CSF2RB: variants seen among roughly 807,000 people sequenced by gnomAD.
CSF2RB encodes the protein cytokine receptor common subunit beta.
In CSF2RB, 22 loss-of-function variants were observed where a neutral mutation model predicts 67.2. The observed-to-expected ratio is 0.33, with a 90% CI of 0.23 to 0.47. The LOEUF (loss-of-function observed/expected upper bound fraction) is 0.47, where lower values mean the gene tolerates loss of function less well. Among genes scored for constraint, CSF2RB ranks in the 20% least tolerant of loss-of-function variants. CSF2RB has a pLI of 1.00. For synonymous variants in CSF2RB, 507 were observed against 482.9 expected (o/e 1.05, Z -0.65); for missense variants, 1,113 against 1,174.5 (o/e 0.95, Z 0.76).
chr22:36,937,715 A>G lies in CSF2RB; in HGVS notation c.1907A>G (p.Gln636Arg). Residue 636 changes from glutamine (Q) to arginine (R), a missense_variant, in exon 14 of 14, where the codon CAG (glutamine) becomes CGG (arginine). Physicochemically the swap from Gln to Arg is conservative, Grantham distance 43 (BLOSUM62 1). This residue lies in a region of CSF2RB where 554 missense variants were observed against 517.9 expected (regional missense o/e 1.07). Coordinates refer to ENST00000403662, the MANE Select transcript of CSF2RB (RefSeq NM_000395.3). The surrounding 1 kb of genome is among the most constrained non-coding windows in gnomAD (Gnocchi z 4.6). Reference protein sequence around the residue: ...LEYLCLPAGGQVQLVPLAQAM... With the variant: ...LEYLCLPAGGRVQLVPLAQAM... ...TACCTGTGTCTGCCTGCTGGGGGGCAGGTGCAACTGGTCCCTCTGGCCCAG... is the reference window on the plus strand; with the variant it reads ...TACCTGTGTCTGCCTGCTGGGGGGCGGGTGCAACTGGTCCCTCTGGCCCAG... 6.4e-7 allele frequency: 1 copy of G among 1,556,728 alleles called. No individual in the cohort carries two copies. The highest frequency in any genetic ancestry group is 8.7e-7 in the Non-Finnish European group (1 of 1,149,976).
intron 1 of CSF2RB, among the ~76,000 whole-genome samples, chr22:36,921,661 G>A (rs1461175798): frequency 6.6e-6 from 1 of 152,180 alleles, no homozygotes; most frequent in Non-Finnish European, 1.5e-5. Context: ...GGTAAAAGGA[G>A]CAGGGGTGGG....
In CSF2RB at chr22:36,938,066, C is replaced by T. The variant is rs1569140636; in HGVS notation, c.2258C>T (p.Pro753Leu). Residue 753 changes from proline (P) to leucine (L), a missense_variant, in exon 14 of 14, where the codon CCT becomes CTT. Pro to Leu is a moderately conservative substitution (Grantham distance 98). Transcript: ENST00000403662. Reference sequence around the variant, plus strand: ...TGTCCTGGGCTGGCCAGTGGACCCCCTGGAGCCCCAGGCCCTGTGAAGTCA... The same window carrying T: ...TGTCCTGGGCTGGCCAGTGGACCCCTTGGAGCCCCAGGCCCTGTGAAGTCA... The part of the protein sequence containing the change: ...SLCPGLASGP[P>L]GAPGPVKSGF... 1.2e-6 allele frequency: 2 copies of T among 1,614,034 alleles called. No individual in the cohort carries two copies. Among genetic ancestry groups the T allele is most frequent in the Admixed American group, 1.7e-5 (1 of 60,014 alleles).
intron 2 of CSF2RB, chr22:36,922,806 A>G: frequency 3.4e-6 from 1 of 294,176 alleles, no homozygotes; most frequent in South Asian, 3.5e-5. Context: ...CCCTTAACAA[A>G]TACCAGGCTC....
intron 8 of CSF2RB, 61 bp from the exon 9 acceptor site, chr22:36,932,704 C>G: frequency 6.3e-7 from 1 of 1,583,600 alleles, no homozygotes; most frequent in Non-Finnish European, 8.6e-7. Flanking sequence ...GCATGAGACA[C>G]GGGGAATGTT....
chr22:36,915,422 TTATATA>T (rs35022648), intron 1 of CSF2RB, among the ~76,000 whole-genome samples: 1 of 146,368 alleles, frequency 6.8e-6, no homozygotes, highest in African/African-American at 2.5e-5. Flanking sequence ...ATTATTTTAT[TTATATA>T]TATATATATA....
chr22:36,940,347 A>G lies in CSF2RB; in HGVS notation c.*1845A>G, dbSNP rs547600147. On this transcript the variant is annotated 3_prime_UTR_variant, in exon 14 of 14. Coordinates refer to ENST00000403662, the MANE Select transcript of CSF2RB (RefSeq NM_000395.3). The stretch of plus-strand genomic sequence containing the variant: ...TGTTCATAATGAACAAGATGAACCA[A>G]TGTGGATTAGAAAGAAGTCCGAGAT... 3 of 152,228 alleles carry G rather than the reference A, an allele frequency of 2.0e-5. No individual in the cohort carries two copies. The highest frequency in any genetic ancestry group is 4.4e-5 in the Non-Finnish European group (3 of 68,036). 9.4% of individuals were successfully genotyped at this position (152,228 alleles called of 1,614,324 possible).
In CSF2RB at chr22:36,932,913, C is replaced by T; in HGVS notation, c.1152+9C>T. On this transcript the variant is annotated intron_variant, in intron 9 of 13. Transcript: ENST00000403662. Reference sequence around the variant, plus strand: ...ACACGGCCACGTGGAAGGTGAGGGCCTTTGCCCAGGGAGGGGAGAAACACT... The same window carrying T: ...ACACGGCCACGTGGAAGGTGAGGGCTTTTGCCCAGGGAGGGGAGAAACACT... The T allele has an allele frequency of 6.2e-7, 1 of 1,613,890 alleles. No individual in the cohort carries two copies. The highest frequency in any genetic ancestry group is 8.5e-7 in the Non-Finnish European group (1 of 1,179,944).
intron 10 of CSF2RB, among the ~76,000 whole-genome samples, chr22:36,934,487 A>G (rs1941226933): frequency 1.3e-5 from 2 of 152,194 alleles, no homozygotes; most frequent in South Asian, 2.1e-4. Flanking sequence ...TTCTGTTAAT[A>G]TGGCCCTTGG....
chr22:36,922,565 C>T (rs1022512976), intron 2 of CSF2RB: 8 of 562,286 alleles, frequency 1.4e-5, no homozygotes, highest in South Asian at 4.1e-5. Context: ...CTGCTCTGGC[C>T]GTTTCCCTGC....
chr22:36,919,410 T>C (rs1175966353), intron 1 of CSF2RB, among the ~76,000 whole-genome samples: 1 of 152,172 alleles, frequency 6.6e-6, no homozygotes, highest in African/African-American at 2.4e-5. Flanking sequence ...TGTTGTTGTT[T>C]TTTTGTTTGT....
At chr22:36,932,992 G>A (rs746700215) in intron 9 of CSF2RB, 88 bp downstream of exon 9, 98 of 1,544,632 alleles carry the variant, frequency 6.3e-5, no homozygotes, top group Non-Finnish European at 8.2e-5. Flanking sequence ...GCAAGGCGTC[G>A]GGCCCTTGGC....
At chr22:36,918,841 T>C (rs1009097172) in intron 1 of CSF2RB, among the ~76,000 whole-genome samples, 24 of 152,214 alleles carry the variant, frequency 1.6e-4, no homozygotes, top group Admixed American at 1.1e-3. Context: ...GCTTCCTCTC[T>C]TTCTGTTGCA....
chr22:36,924,517 C>T (rs1035379692), intron 3 of CSF2RB, among the ~76,000 whole-genome samples: 12 of 152,156 alleles, frequency 7.9e-5, no homozygotes, highest in African/African-American at 7.2e-5. Flanking sequence ...GGCAACCCTG[C>T]GGCCCCTCTT....
Position 36,938,462 on chromosome 22 carries a change from T to C in CSF2RB, c.2654T>C (p.Leu885Pro). The change falls in exon 14 of 14, where the codon CTG (leucine) becomes CCG (proline). Residue 885 changes from leucine to proline, a missense_variant. By Grantham distance (98) the Leu-to-Pro change is moderately conservative (BLOSUM62 -3). This residue lies in a region of CSF2RB where 554 missense variants were observed against 517.9 expected (regional missense o/e 1.07). Transcript: ENST00000403662. ...KALKQQDYLS[L>P]PPWEVNKPGE... The stretch of plus-strand genomic sequence containing the variant: ...CTGAAGCAGCAGGACTACCTGTCTC[T>C]GCCCCCTTGGGAGGTCAACAAGCCT... 1 of 1,614,124 alleles carries C rather than the reference T, an allele frequency of 6.2e-7. No homozygotes were observed. The highest frequency in any genetic ancestry group is 8.5e-7 in the Non-Finnish European group (1 of 1,179,992).
At chr22:36,929,019 A>G (rs1941085819) in intron 4 of CSF2RB, among the ~76,000 whole-genome samples, 1 of 152,146 alleles carries the variant, frequency 6.6e-6, no homozygotes, top group Non-Finnish European at 1.5e-5. Flanking sequence ...GGCAGGAGGA[A>G]GGGAGCTTGG....
In CSF2RB at chr22:36,933,852, C is replaced by T. The variant is rs1193040542; in HGVS notation, c.1173C>T (p.Leu391=). 6.2e-7 allele frequency: 1 copy of T among 1,609,460 alleles called. No homozygotes were observed. The highest frequency in any genetic ancestry group is 8.5e-7 in the Non-Finnish European group (1 of 1,179,734). The change falls in exon 10 of 14, where the codon CTC becomes CTT. Residue 391 remains leucine, a synonymous_variant. Coordinates refer to ENST00000403662, the MANE Select transcript of CSF2RB (RefSeq NM_000395.3). ...ATWKDSKTET[L]QNAHSMALPA... ...CACAGGACAGCAAGACCGAGACCCT[C>T]CAGAACGCCCACAGCATGGCCCTGC...
rs1941253547 is a variant in CSF2RB, at chr22:36,935,735, C to CCTTCTCTGT, written c.1464+48_1464+49insCTTCTCTGT. 2.5e-6 allele frequency: 4 copies of CCTTCTCTGT among 1,574,008 alleles called. No individual in the cohort carries two copies. In the African/African-American group the frequency reaches 5.4e-5, roughly 21 times the overall value. On this transcript the variant is annotated intron_variant, in intron 12 of 13. Transcript: ENST00000403662. ...GGAGTGGGGGCTTCTCTGTTCCTGC[C>CCTTCTCTGT]TCTCTTGTCTCTGTCCCCACCTCCT... is the stretch of plus-strand genomic sequence containing the variant.
In CSF2RB at chr22:36,938,345, C is replaced by G; in HGVS notation, c.2537C>G (p.Pro846Arg). Reference protein sequence around the residue: ...RSKPSSPGPGPEIKNLDQAFQ... With the variant: ...RSKPSSPGPGREIKNLDQAFQ... ...AAACCTTCTTCCCCGGGACCCGGTC[C>G]TGAGATCAAGAACCTAGACCAGGCT... Residue 846 changes from proline (P) to arginine (R), a missense_variant, in exon 14 of 14, where the codon CCT (proline) becomes CGT (arginine). By Grantham distance (103) the Pro-to-Arg change is moderately radical (BLOSUM62 -2). Coordinates refer to ENST00000403662, the MANE Select transcript of CSF2RB (RefSeq NM_000395.3). The G allele has an allele frequency of 6.2e-7, 1 of 1,614,216 alleles. No individual in the cohort carries two copies. Among genetic ancestry groups the G allele is most frequent in the Non-Finnish European group, 8.5e-7 (1 of 1,180,042 alleles).
At chr22:36,932,706 G>C in intron 8 of CSF2RB, 59 bp from the exon 9 acceptor site, 2 of 1,589,906 alleles carry the variant, frequency 1.3e-6, no homozygotes, top group South Asian at 2.3e-5. Flanking sequence ...ATGAGACACG[G>C]GGAATGTTCC....
Sources: allele counts gnomAD v4.1 joint callset (sites outside exome capture counted in the v4.1 genomes callset), GRCh38; gene constraint gnomAD v4.1.1; regional missense constraint gnomAD v4.1.1; non-coding constraint Gnocchi (gnomAD v3.1); transcripts MANE v1.5; gene names NCBI Gene and HGNC (gene_info 2026-07-23, HGNC 2026-07-21).